RASSF8: variants seen among roughly 807,000 people sequenced by gnomAD.
RASSF8 encodes ras association domain-containing protein 8.
Under a neutral mutation model 48.5 loss-of-function variants are expected in RASSF8, and 22 were observed. The observed-to-expected ratio is 0.45, with a 90% CI of 0.32 to 0.65. The LOEUF is 0.65. Among genes scored for constraint, RASSF8 ranks in the 30% least tolerant of loss-of-function variants. The probability of loss-of-function intolerance (pLI) is 0.03; values close to 1 mark genes in which losing one functional copy is unlikely to be tolerated. For synonymous variants in RASSF8, 127 were observed against 171.5 expected (o/e 0.74, Z 2.03); for missense variants, 418 against 489.2 (o/e 0.85, Z 1.37).
intron 2 of RASSF8, among the ~76,000 whole-genome samples, chr12:25,999,468 C>T (rs1437720019): frequency 1.3e-5 from 2 of 152,068 alleles, no homozygotes; most frequent in African/African-American, 4.8e-5. Context: ...CACTGATGGG[C>T]CAGGCATGGT....
intron 2 of RASSF8, among the ~76,000 whole-genome samples, chr12:26,049,859 C>T (rs574234059): frequency 6.6e-6 from 1 of 152,340 alleles, no homozygotes; most frequent in East Asian, 1.9e-4. Context: ...TATCTGCTCA[C>T]TGCAAGCTCC....
In RASSF8 at chr12:26,071,197, C is replaced by T. The variant is rs905504313; in HGVS notation, c.*2379C>T. On this transcript the variant is annotated 3_prime_UTR_variant, in exon 6 of 6. Coordinates refer to ENST00000689635, the MANE Select transcript of RASSF8 (RefSeq NM_001394098.1). ...TCTAAGACTCAGAGGGAAAAAAACT[C>T]GTTTTCATAGGATCATCTGAAGATA... 4 of 979,238 alleles carry T rather than the reference C, an allele frequency of 4.1e-6. No homozygotes were observed. The highest frequency in any genetic ancestry group is 4.9e-6 in the Non-Finnish European group (4 of 824,552). The allele number at this position is 979,238 out of a possible 1,614,324, so 60.7% of individuals were successfully genotyped here. A position where few individuals can be genotyped will look rare whatever the true frequency, so the allele number is the denominator to read the frequency against.
intron 1 of RASSF8, among the ~76,000 whole-genome samples, chr12:25,990,137 A>T (rs1024392740): frequency 1.3e-5 from 2 of 152,098 alleles, no homozygotes; most frequent in East Asian, 1.9e-4. Flanking sequence ...CTTAACCTCA[A>T]CTTTGTATAA....
At chr12:26,058,216 T>C (rs1943653349) in intron 3 of RASSF8, among the ~76,000 whole-genome samples, 1 of 152,238 alleles carries the variant, frequency 6.6e-6, no homozygotes, top group Non-Finnish European at 1.5e-5. Flanking sequence ...CAAACAACTC[T>C]TTCTGTATCG....
chr12:26,074,804 G>C (rs1944057798), downstream of RASSF8, among the ~76,000 whole-genome samples: 1 of 152,128 alleles, frequency 6.6e-6, no homozygotes, highest in Non-Finnish European at 1.5e-5. Flanking sequence ...AAGAAGGGCT[G>C]TCTGGTGGAG....
Position 26,070,654 on chromosome 12 carries a change from A to G in RASSF8, c.*1836A>G. On this transcript the variant is annotated 3_prime_UTR_variant, in exon 6 of 6. Coordinates refer to ENST00000689635, the MANE Select transcript of RASSF8 (RefSeq NM_001394098.1). Reference sequence around the variant, plus strand: ...ATAATTTATAGATTTTGTGACAGTAATGATTTACATATGCCCAATATATGC... The same window carrying G: ...ATAATTTATAGATTTTGTGACAGTAGTGATTTACATATGCCCAATATATGC... The G allele has an allele frequency of 1.1e-6, 1 of 946,376 alleles. No homozygotes were observed. The highest frequency in any genetic ancestry group is 1.3e-6 in the Non-Finnish European group (1 of 794,652). The allele number at this position is 946,376 out of a possible 1,614,324, so 58.6% of individuals were successfully genotyped here.
intron 1 of RASSF8, among the ~76,000 whole-genome samples, chr12:25,962,895 A>G (rs1274366581): frequency 6.6e-6 from 1 of 152,244 alleles, no homozygotes; most frequent in Non-Finnish European, 1.5e-5. Flanking sequence ...AAATATTCGT[A>G]GTAATAAATT....
chr12:26,031,931 C>T (rs531781734), intron 2 of RASSF8, among the ~76,000 whole-genome samples: 1 of 152,272 alleles, frequency 6.6e-6, no homozygotes, highest in South Asian at 2.1e-4. Flanking sequence ...TCCTGTTTCT[C>T]ATCATCATGT....
intron 2 of RASSF8, among the ~76,000 whole-genome samples, chr12:26,048,426 A>G (rs970321794): frequency 1.3e-5 from 2 of 152,184 alleles, no homozygotes; most frequent in African/African-American, 2.4e-5. Flanking sequence ...GAAAAAAAGA[A>G]AAGAAAGATG....
intron 3 of RASSF8, among the ~76,000 whole-genome samples, chr12:26,057,046 A>G (rs1014549106): frequency 6.6e-6 from 1 of 152,082 alleles, no homozygotes; most frequent in Admixed American, 6.5e-5. Context: ...AGTTTTTACA[A>G]AAGTCAAGGT....
chr12:25,997,321 A>G (rs1942156222), intron 2 of RASSF8, among the ~76,000 whole-genome samples: 1 of 152,178 alleles, frequency 6.6e-6, no homozygotes, highest in African/African-American at 2.4e-5. Flanking sequence ...AACAGGACTT[A>G]GTTCTATAAT....
At chr12:26,000,027 AAAATCTC>A (rs1942219584) in intron 2 of RASSF8, among the ~76,000 whole-genome samples, 1 of 152,246 alleles carries the variant, frequency 6.6e-6, no homozygotes. Context: ...AACTCCAAGC[AAAATCTC>A]AGGAATTTCT....
Position 26,064,522 on chromosome 12 carries a change from T to C in RASSF8, c.128T>C (p.Ile43Thr). Residue 43 changes from isoleucine (I) to threonine (T), a missense_variant, in exon 4 of 6, where the codon ATA becomes ACA. Coordinates refer to ENST00000689635, the MANE Select transcript of RASSF8 (RefSeq NM_001394098.1). ...GGTCGAACTGGAAGGTACACCCTTA[T>C]AGAGAAATGGAGAGATACTGAAAGA... ...AIGRTGRYTL[I>T]EKWRDTERHL... 7 of 1,595,602 alleles carry C rather than the reference T, an allele frequency of 4.4e-6. No individual in the cohort carries two copies. The highest frequency in any genetic ancestry group is 3.4e-4 in the Middle Eastern group (2 of 5,928).
chr12:26,044,333 T>C (rs776970281), intron 2 of RASSF8, among the ~76,000 whole-genome samples: 2 of 152,204 alleles, frequency 1.3e-5, no homozygotes, highest in Non-Finnish European at 2.9e-5. Context: ...ATTGTAGGAC[T>C]TAAATATAAA....
chr12:26,016,643 A>G (rs908735584), intron 2 of RASSF8, among the ~76,000 whole-genome samples: 3 of 152,176 alleles, frequency 2.0e-5, no homozygotes, highest in African/African-American at 7.2e-5. Context: ...AAATTTCTAA[A>G]AATCAACAGA....
At chr12:25,961,161 C>A (rs1013760748) in intron 1 of RASSF8, among the ~76,000 whole-genome samples, 4 of 150,932 alleles carry the variant, frequency 2.7e-5, no homozygotes, top group Non-Finnish European at 5.9e-5. Flanking sequence ...GTTTCTGACT[C>A]ATTAATTGAT....
intron 2 of RASSF8, among the ~76,000 whole-genome samples, chr12:26,010,625 T>A (rs1353568290): frequency 6.6e-6 from 1 of 152,230 alleles, no homozygotes; most frequent in Non-Finnish European, 1.5e-5. Context: ...TTGAATGTGC[T>A]TTAGTTTAAT....
chr12:25,977,591 G>A (rs1941637396), intron 1 of RASSF8, among the ~76,000 whole-genome samples: 1 of 151,332 alleles, frequency 6.6e-6, no homozygotes, highest in African/African-American at 2.4e-5. Flanking sequence ...AGCTAACAGA[G>A]TTAAGTGTAA....
intron 4 of RASSF8, among the ~76,000 whole-genome samples, chr12:26,066,914 A>G (rs1943887849): frequency 1.3e-5 from 2 of 152,174 alleles, no homozygotes; most frequent in South Asian, 4.1e-4. Flanking sequence ...TCCAAACTTG[A>G]TCTCCTTCTG....
Sources: allele counts gnomAD v4.1 joint callset (sites outside exome capture counted in the v4.1 genomes callset), GRCh38; gene constraint gnomAD v4.1.1; transcripts MANE v1.5; gene names NCBI Gene and HGNC (gene_info 2026-07-23, HGNC 2026-07-21).